CADM2: variants seen among roughly 807,000 people sequenced by gnomAD.
CADM2 encodes the protein immunoglobulin superfamily member 4D.
A neutral mutation model predicts 49.8 loss-of-function variants in CADM2; 12 were observed. That is an observed-to-expected ratio of 0.24 (90% CI 0.15 to 0.39). CADM2 has a LOEUF of 0.39. CADM2 is among the 10% of genes least tolerant of loss of function. The probability of loss-of-function intolerance (pLI) is 1.00; values close to 1 mark genes in which losing one functional copy is unlikely to be tolerated. For missense variants in CADM2, 378 were observed against 492.3 expected, an observed-to-expected ratio of 0.77 and a Z score of 2.20; for synonymous variants, 214 against 175.4, an observed-to-expected ratio of 1.22 and a Z score of -1.74.
chr3:85,945,580 A>G (rs1228163918), intron 7 of CADM2, among the ~76,000 whole-genome samples: 2 of 152,158 alleles, frequency 1.3e-5, no homozygotes, highest in Admixed American at 6.6e-5. Flanking sequence ...CTTATCTACC[A>G]TGATCAAGTG....
intron 8 of CADM2, among the ~76,000 whole-genome samples, chr3:86,047,057 A>G (rs1482582590): frequency 6.6e-6 from 1 of 152,046 alleles, no homozygotes; most frequent in Non-Finnish European, 1.5e-5. Context: ...TGTAATCTTC[A>G]GTCATCAAGA....
chr3:85,790,949 T>C (rs2071286265), intron 2 of CADM2, among the ~76,000 whole-genome samples: 1 of 152,192 alleles, frequency 6.6e-6, no homozygotes, highest in South Asian at 2.1e-4. Context: ...CCAGGTGTTG[T>C]ACTCTAAAAG....
chr3:85,757,030 T>A (rs2069154578), intron 2 of CADM2, among the ~76,000 whole-genome samples: 1 of 152,120 alleles, frequency 6.6e-6, no homozygotes, highest in Non-Finnish European at 1.5e-5. Flanking sequence ...GGAGACGAAG[T>A]TTATCAGAAG....
intron 7 of CADM2, among the ~76,000 whole-genome samples, chr3:85,950,475 A>T (rs1723298935): frequency 6.6e-6 from 1 of 151,210 alleles, no homozygotes; most frequent in Non-Finnish European, 1.5e-5. Context: ...TTTCTAGTGC[A>T]ATGTGACTGC....
At chr3:85,005,372 T>C (rs1461464630) in intron 1 of CADM2, among the ~76,000 whole-genome samples, 1 of 152,140 alleles carries the variant, frequency 6.6e-6, no homozygotes, top group African/African-American at 2.4e-5. Context: ...GGATCATGGC[T>C]AATGGAATTA....
chr3:85,412,338 T>C (rs762668476), intron 1 of CADM2, among the ~76,000 whole-genome samples: 6 of 152,300 alleles, frequency 3.9e-5, no homozygotes, highest in Admixed American at 2.0e-4. Flanking sequence ...TGTGTTTTCT[T>C]ATAATAATTA....
chr3:85,623,444 G>T (rs776314385), intron 1 of CADM2, among the ~76,000 whole-genome samples: 48 of 152,122 alleles, frequency 3.2e-4, no homozygotes, highest in Non-Finnish European at 5.4e-4. Context: ...AGGGTCAGCA[G>T]CAATACTAGT....
chr3:85,879,643 T>A (rs1712439931), intron 3 of CADM2, among the ~76,000 whole-genome samples: 1 of 152,156 alleles, frequency 6.6e-6, no homozygotes. Context: ...CCCTACTCCA[T>A]CAAATGTGCA....
chr3:85,529,168 A>G (rs1358425063), intron 1 of CADM2, among the ~76,000 whole-genome samples: 1 of 152,198 alleles, frequency 6.6e-6, no homozygotes, highest in Admixed American at 6.5e-5. Context: ...GCCTTCTGAG[A>G]TAAAGAGATG....
At chr3:85,554,393 C>T (rs2061895865) in intron 1 of CADM2, among the ~76,000 whole-genome samples, 1 of 152,128 alleles carries the variant, frequency 6.6e-6, no homozygotes, top group South Asian at 2.1e-4. Context: ...GGCCAGGGAC[C>T]AGTACCGGTT....
intron 1 of CADM2, among the ~76,000 whole-genome samples, chr3:85,220,980 C>T (rs1280472321): frequency 2.0e-5 from 3 of 152,026 alleles, no homozygotes; most frequent in Admixed American, 6.6e-5. Flanking sequence ...AATGCTTTGT[C>T]ATTGTTAGAT....
intron 3 of CADM2, among the ~76,000 whole-genome samples, chr3:85,872,525 T>C (rs756652503): frequency 2.6e-5 from 4 of 151,864 alleles, no homozygotes; most frequent in Non-Finnish European, 4.4e-5. Flanking sequence ...AAGATGTTTA[T>C]CAAATTACCT....
rs140070489 is a variant in CADM2 at position 85,255,408 on chromosome 3, A to G, written c.61+295740A>G. On this transcript the variant is annotated intron_variant, in intron 1 of 9. Transcript: ENST00000383699. The stretch of plus-strand genomic sequence containing the variant: ...TGGACATGAGCTGGATTTCAGCCCA[A>G]CTGAAACTATTGCCAGCTTCTCTTG... Among the ~76,000 whole-genome samples, 712 of 152,174 alleles carry G rather than the reference A, an allele frequency of 4.7e-3. 5 individuals carry two copies. Among genetic ancestry groups the G allele is most frequent in the Non-Finnish European group, 7.4e-3 (504 of 67,990 alleles).
intron 1 of CADM2, among the ~76,000 whole-genome samples, chr3:85,066,229 TAG>T (rs1330221226): frequency 6.6e-6 from 1 of 151,852 alleles, no homozygotes; most frequent in East Asian, 1.9e-4. Context: ...GGTGGAGAAG[TAG>T]AGTTATCAGG....
At chr3:85,212,897 T>TCTCTCTCTCTCTCTC (rs2041834022) in intron 1 of CADM2, among the ~76,000 whole-genome samples, 11 of 145,098 alleles carry the variant, frequency 7.6e-5, no homozygotes, top group South Asian at 2.2e-4. Flanking sequence ...TCTTTCTTTC[T>TCTCTCTCTCTCTCTC]TTTAATGGAG....
intron 1 of CADM2, among the ~76,000 whole-genome samples, chr3:85,387,220 T>G (rs1162151604): frequency 6.6e-6 from 1 of 152,060 alleles, no homozygotes; most frequent in African/African-American, 2.4e-5. Flanking sequence ...GGAAAAGTAA[T>G]TTTTCCCCCT....
chr3:85,772,761 T>A (rs1323084051), intron 2 of CADM2, among the ~76,000 whole-genome samples: 2 of 151,660 alleles, frequency 1.3e-5, no homozygotes, highest in African/African-American at 4.8e-5. Flanking sequence ...TATCTCTATT[T>A]AACTCCCATC....
chr3:85,941,744 A>G lies in CADM2; in HGVS notation c.791+5887A>G, dbSNP rs114413470. On this transcript the variant is annotated intron_variant, in intron 7 of 9. Coordinates refer to ENST00000383699, the MANE Select transcript of CADM2 (RefSeq NM_001167675.2). ...TTTTATTGAGTGAAAGGGACTAAGT[A>G]GTTAGCAAGTTTTGACAAAGAACAA... is the stretch of plus-strand genomic sequence containing the variant. Among the ~76,000 whole-genome samples, 233 of 152,220 alleles carry G rather than the reference A, an allele frequency of 1.5e-3. 1 individual carries two copies. Among genetic ancestry groups the G allele is most frequent in the African/African-American group, 5.2e-3 (217 of 41,570 alleles).
intron 8 of CADM2, among the ~76,000 whole-genome samples, chr3:85,998,773 C>T (rs1330387740): frequency 6.6e-6 from 1 of 151,832 alleles, no homozygotes; most frequent in Non-Finnish European, 1.5e-5. Flanking sequence ...TGACAAGAAG[C>T]CATTGGAGAA....
Sources: allele counts gnomAD v4.1 joint callset (sites outside exome capture counted in the v4.1 genomes callset), GRCh38; gene constraint gnomAD v4.1.1; transcripts MANE v1.5; gene names NCBI Gene and HGNC (gene_info 2026-07-23, HGNC 2026-07-21).